The following FAT1 variants were observed in gnomAD, a reference collection of about 807,000 sequenced individuals.
FAT1 encodes the protein FAT atypical cadherin 1, also known as protocadherin Fat 1.
Under a neutral mutation model 329.8 loss-of-function variants are expected in FAT1, and 171 were observed. The ratio of observed to expected loss-of-function variants is 0.52; its 90% CI spans 0.46 to 0.59. The LOEUF is 0.59. FAT1 is among the 20% of genes least tolerant of loss of function. The pLI is 0.00. For synonymous variants in FAT1, 2,233 were observed against 2,228.6 expected (o/e 1.00, Z -0.06); for missense variants, 5,672 against 5,774.4 (o/e 0.98, Z 0.57).
At chr4:186,686,511 C>A (rs992199243) in intron 2 of FAT1, among the ~76,000 whole-genome samples, 1 of 152,044 alleles carries the variant, frequency 6.6e-6, no homozygotes, top group African/African-American at 2.4e-5. Context: ...TGAAATGCAA[C>A]CCTCTGCCTC....
chr4:186,709,322 G>A lies in FAT1; in HGVS notation c.506C>T (p.Ala169Val), dbSNP rs771825808. The change falls in exon 2 of 27, where the codon GCA becomes GTA. Residue 169 changes from alanine (A) to valine (V), a missense_variant. Physicochemically the swap from Ala to Val is moderately conservative, Grantham distance 64. Transcript: ENST00000441802. Reference protein sequence around the residue: ...PENTAIRTSIARVSATDADIG... With the variant: ...PENTAIRTSIVRVSATDADIG... ...GTCTGCATCCGTGGCGCTGACTCTT[G>A]CGATACTGGTCCTTATAGCTGTGTT... The A allele has an allele frequency of 3.1e-6, 5 of 1,613,818 alleles. No homozygotes were observed. The highest frequency in any genetic ancestry group is 2.2e-5 in the East Asian group (1 of 44,878).
intron 1 of FAT1, among the ~76,000 whole-genome samples, chr4:186,716,717 C>A (rs944898981): frequency 6.6e-6 from 1 of 152,142 alleles, no homozygotes; most frequent in Non-Finnish European, 1.5e-5. Flanking sequence ...TGGGCCTGGC[C>A]GGCAAACACA....
chr4:186,613,333 T>A lies in FAT1; in HGVS notation c.9239A>T (p.Lys3080Ile). 6.2e-7 allele frequency: 1 copy of A among 1,613,816 alleles called. No homozygotes were observed. Among genetic ancestry groups the A allele is most frequent in the Non-Finnish European group, 8.5e-7 (1 of 1,179,706 alleles). The stretch of plus-strand genomic sequence containing the variant: ...CTCACGATCAAGGGGGGTTGACGTT[T>A]TCAGTTCACCTACAAACAAAAACAA... The part of the protein sequence containing the change: ...FKLNPDTGEL[K>I]TSTPLDREEQ... The change falls in exon 13 of 27, where the codon AAA becomes ATA. Residue 3080 changes from lysine to isoleucine, a missense_variant. Lys to Ile is a moderately radical substitution (Grantham distance 102). This residue lies in a region of FAT1 where 3,966 missense variants were observed against 3,915.2 expected (regional missense o/e 1.01). Coordinates refer to ENST00000441802, the MANE Select transcript of FAT1 (RefSeq NM_005245.4).
chr4:186,609,246 G>A lies in FAT1; in HGVS notation c.10143C>T (p.Ser3381=), dbSNP rs1211935575. 6 of 1,613,940 alleles carry A rather than the reference G, an allele frequency of 3.7e-6. No individual in the cohort carries two copies. Among genetic ancestry groups the A allele is most frequent in the Non-Finnish European group, 5.1e-6 (6 of 1,179,904 alleles). ...CCCTGACGGGGTCAATTGTGAACGA[G>A]CTTCCTTGGTTGCCATCTATAATTG... ...HYSIIDGNQG[S]SFTIDPVRGE... is the part of the protein sequence containing the mutation. The change falls in exon 16 of 27, where the codon AGC becomes AGT. Residue 3381 remains serine (S), a synonymous_variant. Transcript: ENST00000441802.
intron 2 of FAT1, among the ~76,000 whole-genome samples, chr4:186,693,030 T>C (rs895222088): frequency 9.9e-5 from 15 of 152,222 alleles, no homozygotes; most frequent in African/African-American, 3.4e-4. Flanking sequence ...ATTGCTTTGG[T>C]ATCTTCAGAC....
At chr4:186,641,301 G>A (rs1405606928) in intron 3 of FAT1, among the ~76,000 whole-genome samples, 1 of 152,198 alleles carries the variant, frequency 6.6e-6, no homozygotes, top group Non-Finnish European at 1.5e-5. Context: ...GGTGCTAAAG[G>A]GAAATGCTTC....
chr4:186,616,164 C>T (rs1739700459), intron 11 of FAT1, among the ~76,000 whole-genome samples: 1 of 152,128 alleles, frequency 6.6e-6, no homozygotes, highest in Non-Finnish European at 1.5e-5. Flanking sequence ...AAATAATGGG[C>T]ACGATGCTTC....
In FAT1 at chr4:186,589,056, A is replaced by T. The variant is rs770162471; in HGVS notation, c.13303T>A (p.Phe4435Ile). 1 of 1,613,818 alleles carries T rather than the reference A, an allele frequency of 6.2e-7. No homozygotes were observed. The highest frequency in any genetic ancestry group is 2.2e-5 in the East Asian group (1 of 44,864). Reference protein sequence around the residue: ...YPGGYDIESDFPPPPEDFPAA... With the variant: ...YPGGYDIESDIPPPPEDFPAA... Reference sequence around the variant, plus strand: ...GGGAAGTCTTCTGGGGGTGGAGGAAAATCACTTTCGATGTCGTAGCCTCCA... The same window carrying T: ...GGGAAGTCTTCTGGGGGTGGAGGAATATCACTTTCGATGTCGTAGCCTCCA... Residue 4435 changes from phenylalanine to isoleucine, a missense_variant, in exon 27 of 27, where the codon TTT becomes ATT. By Grantham distance (21) the Phe-to-Ile change is conservative. Transcript: ENST00000441802.
rs781295226 is a variant in FAT1, at chr4:186,597,061, C to A, written c.12479G>T (p.Arg4160Leu). The change falls in exon 25 of 27, where the codon CGT becomes CTT. Residue 4160 changes from arginine to leucine, a missense_variant. Arg to Leu is a moderately radical substitution (Grantham distance 102). Coordinates refer to ENST00000441802, the MANE Select transcript of FAT1 (RefSeq NM_005245.4). ...HCNCSHEYRG[R>L]HCEDAAPNQY... ...GTTGGGCGCAGCATCCTCGCAGTGA[C>A]GTCCCCTGTACTCGTGGCTGCAGTT... 6.2e-7 allele frequency: 1 copy of A among 1,614,012 alleles called. No homozygotes were observed. The highest frequency in any genetic ancestry group is 8.5e-7 in the Non-Finnish European group (1 of 1,179,906).
At position 186,613,220 on chromosome 4, in the gene FAT1, C is replaced by T. The variant is rs756482497; in HGVS notation, c.9352G>A (p.Val3118Met). ...GAGAATTCGGGGGCGTTATCGTTCACATCTTCTAGCGTGAGCACAATACTG... is the reference window on the plus strand; with the variant it reads ...GAGAATTCGGGGGCGTTATCGTTCATATCTTCTAGCGTGAGCACAATACTG... ...QASIVLTLED[V>M]NDNAPEFSAD... Residue 3118 changes from valine (V) to methionine (M), a missense_variant, in exon 13 of 27, where the codon GTG becomes ATG. Coordinates refer to ENST00000441802, the MANE Select transcript of FAT1 (RefSeq NM_005245.4). 3.1e-6 allele frequency: 5 copies of T among 1,613,904 alleles called. No homozygotes were observed. The highest frequency in any genetic ancestry group is 1.7e-5 in the Admixed American group (1 of 60,012).
chr4:186,658,539 C>A (rs1267477530), intron 3 of FAT1, among the ~76,000 whole-genome samples: 2 of 152,174 alleles, frequency 1.3e-5, no homozygotes, highest in Non-Finnish European at 2.9e-5. Context: ...TGTTGCAAGG[C>A]AGTTTATACT....
chr4:186,630,330 C>T (rs763864493), intron 7 of FAT1, among the ~76,000 whole-genome samples: 4 of 152,020 alleles, frequency 2.6e-5, no homozygotes, highest in Admixed American at 1.3e-4. Context: ...GCTGCGTCAA[C>T]GACATGAAGG....
Position 186,709,461 on chromosome 4 carries a change from G to A in FAT1, c.367C>T (p.Leu123Phe), listed in dbSNP as rs201265204. ...KDHYTLIVKA[L>F]EKNTNVEART... ...GCCTCCACATTAGTATTTTTTTCAA[G>A]TGCTTTCACTATCAATGTGTAGTGA... Residue 123 changes from leucine (L) to phenylalanine (F), a missense_variant, in exon 2 of 27, where the codon CTT (leucine) becomes TTT (phenylalanine). Physicochemically the swap from Leu to Phe is conservative, Grantham distance 22 (BLOSUM62 0). Around this residue, in one of 2 missense-constraint regions of FAT1, gnomAD observed 3,966 missense variants for 3,915.2 expected, o/e 1.01. Transcript: ENST00000441802. The A allele has an allele frequency of 3.3e-5, 54 of 1,613,914 alleles. No individual in the cohort carries two copies. The East Asian group carries it at 1.0e-3, about 31-fold the overall frequency.
At position 186,630,081 on chromosome 4, in the gene FAT1, C is replaced by T. The variant is rs541289236; in HGVS notation, c.4324-1318G>A. Among the ~76,000 whole-genome samples, 471 of 152,334 alleles carry T rather than the reference C, an allele frequency of 3.1e-3. 2 individuals carry two copies. The highest frequency in any genetic ancestry group is 5.5e-3 in the Non-Finnish European group (377 of 68,026). Reference sequence around the variant, plus strand: ...ATTCAATTGAAACACACGGATTGTGCGTTTCCATGCCCAATGCTTGCCTGG... The same window carrying T: ...ATTCAATTGAAACACACGGATTGTGTGTTTCCATGCCCAATGCTTGCCTGG... On this transcript the variant is annotated intron_variant, in intron 7 of 26. Coordinates refer to ENST00000441802, the MANE Select transcript of FAT1 (RefSeq NM_005245.4).
chr4:186,626,685 C>A (rs113494439), intron 9 of FAT1, among the ~76,000 whole-genome samples: 5 of 127,470 alleles, frequency 3.9e-5, no homozygotes, highest in African/African-American at 1.3e-4. Flanking sequence ...CAACATGGCA[C>A]CTCGCACATA....
In FAT1 at chr4:186,636,213, C is replaced by T. The variant is rs746932852; in HGVS notation, c.3995G>A (p.Arg1332His). 21 of 1,613,754 alleles carry T rather than the reference C, an allele frequency of 1.3e-5. No individual in the cohort carries two copies. The East Asian group carries it at 1.8e-4, about 14-fold the overall frequency. ...TCTGGTGGTTGATGACTTTTGAGGG[C>T]GACCATTGTCAACTGCCTTAATCTA... ...ILSIKAVDNG[R>H]PQKSSTTRLH... The change falls in exon 6 of 27, where the codon CGC (arginine) becomes CAC (histidine). Residue 1332 changes from arginine to histidine, a missense_variant. By Grantham distance (29) the Arg-to-His change is conservative. Coordinates refer to ENST00000441802, the MANE Select transcript of FAT1 (RefSeq NM_005245.4).
intron 2 of FAT1, among the ~76,000 whole-genome samples, chr4:186,671,816 G>T (rs57663778): frequency 0.02 from 3,075 of 151,768 alleles, 143 homozygotes; most frequent in East Asian, 0.14. Flanking sequence ...GTGTGTGTGT[G>T]GTGTGTGTGT....
intron 20 of FAT1, among the ~76,000 whole-genome samples, chr4:186,602,003 C>T (rs1738837423): frequency 6.6e-6 from 1 of 152,152 alleles, no homozygotes; most frequent in Non-Finnish European, 1.5e-5. Flanking sequence ...CACATTGATA[C>T]TAAGAAACAA....
chr4:186,597,229 G>A (rs1738576801), intron 24 of FAT1, 58 bp from the exon 25 acceptor site: 1 of 1,474,252 alleles, frequency 6.8e-7, no homozygotes. Flanking sequence ...GCGTATGTCA[G>A]GCTCAATCCT....
Sources: gnomAD v4.1 joint callset for allele counts (sites outside exome capture counted in the v4.1 genomes callset) on GRCh38, gnomAD v4.1.1 for gene constraint, gnomAD v4.1.1 regional missense constraint, MANE v1.5 for transcripts, NCBI Gene and HGNC (gene_info 2026-07-23, HGNC 2026-07-21) for gene names.